The following ZNF205 variants were observed in gnomAD, a reference collection of about 807,000 sequenced individuals.
The protein encoded by ZNF205 is transcriptional repressor RHIT.
ZNF205 carries 32 observed loss-of-function variants against 53.6 expected under a neutral mutation model. The observed-to-expected ratio is 0.60, with a 90% CI of 0.45 to 0.80. The LOEUF (loss-of-function observed/expected upper bound fraction) is 0.80. Ranked by LOEUF, ZNF205 falls within the 30% of genes least tolerant of loss-of-function variation. ZNF205 has a pLI of 0.00. For synonymous variants in ZNF205, 382 were observed against 334.3 expected (o/e 1.14, Z -1.56); for missense variants, 836 against 782.4 (o/e 1.07, Z -0.82).
rs1281891496 is a variant in ZNF205, at chr16:3,119,906, G to A, written c.1246G>A (p.Gly416Ser). ...GGTCACCCACCAGGGCACCCACACG[G>A]GCGCCAAGCCGCACAAGTGCCCCAT... is the stretch of plus-strand genomic sequence containing the variant. Reference protein sequence around the residue: ...DLVTHQGTHTGAKPHKCPICA... With the variant: ...DLVTHQGTHTSAKPHKCPICA... The change falls in exon 7 of 7, where the codon GGC (glycine) becomes AGC (serine). Residue 416 changes from glycine (G) to serine (S), a missense_variant. Transcript: ENST00000219091. The A allele has an allele frequency of 1.2e-5, 19 of 1,613,584 alleles. No individual in the cohort carries two copies. The highest frequency in any genetic ancestry group is 1.6e-5 in the Non-Finnish European group (19 of 1,179,914).
intron 1 of ZNF205, chr16:3,113,088 C>T (rs938657297): frequency 3.7e-6 from 1 of 273,888 alleles, no homozygotes; most frequent in Middle Eastern, 1.2e-3. Flanking sequence ...CAGGAAATAG[C>T]GATTCCAATT....
Position 3,115,431 on chromosome 16 carries a change from A to C in ZNF205, c.134A>C (p.Glu45Ala). The change falls in exon 3 of 7, where the codon GAG (glutamate) becomes GCG (alanine). Residue 45 changes from glutamate (E) to alanine (A), a missense_variant. By Grantham distance (107) the Glu-to-Ala change is moderately radical. Coordinates refer to ENST00000219091, the MANE Select transcript of ZNF205 (RefSeq NM_001042428.2). ...GCGGTACCTTCAGGGGACACTCAGG[A>C]GTCACTGCACATTAAGATGGAGCCC... The part of the protein sequence containing the change: ...GEAVPSGDTQ[E>A]SLHIKMEPEE... 2 of 1,612,394 alleles carry C rather than the reference A, an allele frequency of 1.2e-6. No homozygotes were observed. The highest frequency in any genetic ancestry group is 1.7e-6 in the Non-Finnish European group (2 of 1,179,186).
chr16:3,115,715 G>A (rs2151228231), intron 3 of ZNF205, 114 bp from the exon 4 acceptor site: 1 of 1,392,128 alleles, frequency 7.2e-7, no homozygotes, highest in Admixed American at 2.4e-5. Flanking sequence ...GGCAGCGTCA[G>A]AGCCATCCGA....
chr16:3,116,585 G>C (rs1275236174), intron 5 of ZNF205, 38 bp downstream of exon 5: 23 of 1,603,024 alleles, frequency 1.4e-5, no homozygotes, highest in Non-Finnish European at 1.7e-5. Context: ...GGGTGTTAGG[G>C]AGAGGTCCTG....
In ZNF205 at chr16:3,120,288, C is replaced by T. The variant is rs750812261; in HGVS notation, c.1628C>T (p.Ala543Val). 1.8e-5 allele frequency: 29 copies of T among 1,586,196 alleles called. No individual in the cohort carries two copies. Among genetic ancestry groups the T allele is most frequent in the Middle Eastern group, 3.3e-4 (2 of 6,016 alleles). The change falls in exon 7 of 7, where the codon GCG becomes GTG. Residue 543 changes from alanine to valine, a missense_variant. Coordinates refer to ENST00000219091, the MANE Select transcript of ZNF205 (RefSeq NM_001042428.2). ...LAMLMLGAAAAGALATPPPAP... is the reference protein window; with the variant it reads ...LAMLMLGAAAVGALATPPPAP... ...ATGCTGATGCTGGGGGCGGCGGCGG[C>T]GGGGGCTCTGGCCACACCCCCACCC...
intron 1 of ZNF205, 44 bp from the exon 2 acceptor site, chr16:3,113,373 G>T: frequency 1.3e-6 from 2 of 1,598,872 alleles, no homozygotes; most frequent in Non-Finnish European, 1.7e-6. Context: ...GCTGGAGGGG[G>T]CTTGGCCAAA....
intron 2 of ZNF205, 50 bp downstream of exon 2, chr16:3,113,537 G>A (rs780697605): frequency 7.3e-5 from 117 of 1,594,434 alleles, no homozygotes; most frequent in Middle Eastern, 6.7e-4. Context: ...AGGCTGGTGC[G>A]GAGGAGATTT....
intron 3 of ZNF205, 122 bp from the exon 4 acceptor site, chr16:3,115,707 C>T (rs1957334985): frequency 9.4e-6 from 13 of 1,380,416 alleles, no homozygotes; most frequent in African/African-American, 1.5e-5. Context: ...AGCCCCCTGG[C>T]AGCGTCAGAG....
chr16:3,119,489 C>G lies in ZNF205; in HGVS notation c.829C>G (p.Arg277Gly), dbSNP rs755497260. 3.1e-6 allele frequency: 5 copies of G among 1,591,310 alleles called. No individual in the cohort carries two copies. Among genetic ancestry groups the G allele is most frequent in the Non-Finnish European group, 4.3e-6 (5 of 1,169,858 alleles). ...DPSPTEPQEY[R>G]VPEKPNEEEK... ...CAGTCCCACGGAGCCCCAGGAGTAC[C>G]GCGTCCCGGAGAAGCCCAACGAGGA... Residue 277 changes from arginine to glycine, a missense_variant, in exon 7 of 7, where the codon CGC becomes GGC. By Grantham distance (125) the Arg-to-Gly change is moderately radical (BLOSUM62 -2). Coordinates refer to ENST00000219091, the MANE Select transcript of ZNF205 (RefSeq NM_001042428.2).
rs1479840184 is a variant in ZNF205 at position 3,112,642 on chromosome 16, GGGCCCCCA to G, written c.-54_-47del. 1 of 305,068 alleles carries G rather than the reference GGGCCCCCA, an allele frequency of 3.3e-6. No homozygotes were observed. Among genetic ancestry groups the G allele is most frequent in the African/African-American group, 2.2e-5 (1 of 46,010 alleles). The allele number at this position is 305,068 out of a possible 1,614,324, so 18.9% of individuals were successfully genotyped here. A position where few individuals can be genotyped will look rare whatever the true frequency, so the allele number is the denominator to read the frequency against. ...GTGGAGACTCCCTTCCCGGGGGAGG[GGGCCCCCA>G]CTGCCGCAGGTGCCCCCTCTGCCTC... is the stretch of plus-strand genomic sequence containing the variant. On this transcript the variant is annotated 5_prime_UTR_variant, in exon 1 of 7. Coordinates refer to ENST00000219091, the MANE Select transcript of ZNF205 (RefSeq NM_001042428.2).
At chr16:3,117,347 C>G (rs1957358309) in intron 5 of ZNF205, among the ~76,000 whole-genome samples, 1 of 150,844 alleles carries the variant, frequency 6.6e-6, no homozygotes, top group Non-Finnish European at 1.5e-5. Context: ...CCCGCAGACC[C>G]TTGGGTGTCC....
chr16:3,112,605 C>G lies in ZNF205; in HGVS notation c.-92C>G, dbSNP rs187962007. 7.7e-5 allele frequency: 26 copies of G among 336,242 alleles called. No individual in the cohort carries two copies. In the East Asian group the frequency reaches 2.0e-3, roughly 25 times the overall value. 20.8% of individuals were successfully genotyped at this position (336,242 alleles called of 1,614,324 possible). Reference sequence around the variant, plus strand: ...GTCTCCACCCAACTCCCCCGCCCGCCCCGTGCAGGCTGTGGAGACTCCCTT... The same window carrying G: ...GTCTCCACCCAACTCCCCCGCCCGCGCCGTGCAGGCTGTGGAGACTCCCTT... On this transcript the variant is annotated 5_prime_UTR_variant, in exon 1 of 7. Transcript: ENST00000219091.
At chr16:3,119,199 C>T (rs1957385264) in intron 6 of ZNF205, 57 bp from the exon 7 acceptor site, 1 of 1,525,392 alleles carries the variant, frequency 6.6e-7, no homozygotes, top group Non-Finnish European at 8.8e-7. Context: ...CCTTCTCCAC[C>T]CTCCTGGGGT....
At chr16:3,115,331 T>TAAAAAA in intron 2 of ZNF205, 24 bp from the exon 3 acceptor site, 2 of 1,530,928 alleles carry the variant, frequency 1.3e-6, no homozygotes, top group Admixed American at 2.0e-5. Flanking sequence ...CTCATCTGGG[T>TAAAAAA]GCTGATGGGG....
rs1042081246 is a variant in ZNF205 at position 3,119,109 on chromosome 16, C to T, written c.595+94C>T. ...GTGGGAGTGGGGCAGGGCCACCAGA[C>T]CCCCTCCTGGGCGGTTTGCGCCCAG... On this transcript the variant is annotated intron_variant, in intron 6 of 6. Coordinates refer to ENST00000219091, the MANE Select transcript of ZNF205 (RefSeq NM_001042428.2). 10 of 1,527,016 alleles carry T rather than the reference C, an allele frequency of 6.5e-6. No homozygotes were observed. The African/African-American group carries it at 1.2e-4, about 19-fold the overall frequency. The allele number at this position is 1,527,016 out of a possible 1,614,324, so 94.6% of individuals were successfully genotyped here.
chr16:3,119,931 T>C lies in ZNF205; in HGVS notation c.1271T>C (p.Ile424Thr), dbSNP rs1957401675. The C allele has an allele frequency of 2.5e-6, 4 of 1,613,212 alleles. No homozygotes were observed. In the South Asian group the frequency reaches 4.4e-5, roughly 18 times the overall value. The change falls in exon 7 of 7, where the codon ATC becomes ACC. Residue 424 changes from isoleucine (I) to threonine (T), a missense_variant. Physicochemically the swap from Ile to Thr is moderately conservative, Grantham distance 89. Transcript: ENST00000219091. ...HTGAKPHKCP[I>T]CAKCFTQSSA... is the part of the protein sequence containing the mutation. ...GGCGCCAAGCCGCACAAGTGCCCCATCTGCGCCAAGTGCTTCACGCAGAGC... is the reference window on the plus strand; with the variant it reads ...GGCGCCAAGCCGCACAAGTGCCCCACCTGCGCCAAGTGCTTCACGCAGAGC...
chr16:3,117,769 C>A (rs1957363758), intron 5 of ZNF205, among the ~76,000 whole-genome samples: 1 of 151,846 alleles, frequency 6.6e-6, no homozygotes, highest in Non-Finnish European at 1.5e-5. Flanking sequence ...GAGCTTTTGA[C>A]TCCTCAATTC....
intron 6 of ZNF205, 85 bp from the exon 7 acceptor site, chr16:3,119,171 C>T: frequency 6.6e-7 from 1 of 1,508,018 alleles, no homozygotes. Context: ...GAGAATCCAG[C>T]CCCCACCCTT....
chr16:3,118,356 T>C (rs1957372720), intron 5 of ZNF205, among the ~76,000 whole-genome samples: 1 of 151,992 alleles, frequency 6.6e-6, no homozygotes. Context: ...ATCAGAAGGA[T>C]CTCAACACCC....
Sources: allele counts gnomAD v4.1 joint callset (sites outside exome capture counted in the v4.1 genomes callset), GRCh38; gene constraint gnomAD v4.1.1; transcripts MANE v1.5; gene names NCBI Gene and HGNC (gene_info 2026-07-23, HGNC 2026-07-21).